PLLP: variants seen among roughly 807,000 people sequenced by gnomAD.
The protein encoded by PLLP is plasmolipin.
PLLP carries 15 observed loss-of-function variants against 19.7 expected under a neutral mutation model. The ratio of observed to expected loss-of-function variants is 0.76; its 90% CI spans 0.51 to 1.17. PLLP has a LOEUF of 1.17. PLLP is among the 50% of genes most tolerant of loss of function. The probability of loss-of-function intolerance (pLI) is 0.00; values close to 1 mark genes in which losing one functional copy is unlikely to be tolerated. For synonymous variants in PLLP, 111 were observed against 116.3 expected (o/e 0.95, Z 0.29); for missense variants, 255 against 258.3 (o/e 0.99, Z 0.09).
intron 1 of PLLP, among the ~76,000 whole-genome samples, chr16:57,282,171 C>T (rs1451168025): frequency 6.6e-6 from 1 of 151,666 alleles, no homozygotes; most frequent in African/African-American, 2.4e-5. Context: ...TCCTCTTACT[C>T]CAATGCCTTC....
intron 1 of PLLP, among the ~76,000 whole-genome samples, chr16:57,269,065 A>G (rs2075466388): frequency 6.6e-6 from 1 of 152,192 alleles, no homozygotes. Context: ...CCCAGCCCTC[A>G]GATCTCCCTT....
At chr16:57,275,171 C>A (rs1901135390) in intron 1 of PLLP, among the ~76,000 whole-genome samples, 1 of 151,964 alleles carries the variant, frequency 6.6e-6, no homozygotes. Context: ...GTACTTCTTC[C>A]ACACAAATGA....
intron 1 of PLLP, among the ~76,000 whole-genome samples, chr16:57,277,995 A>G (rs903226174): frequency 6.6e-6 from 1 of 152,138 alleles, no homozygotes; most frequent in Non-Finnish European, 1.5e-5. Flanking sequence ...GGCTGCCGGG[A>G]CACTACGGGT....
At chr16:57,275,596 A>C (rs1344752194) in intron 1 of PLLP, among the ~76,000 whole-genome samples, 3 of 148,092 alleles carry the variant, frequency 2.0e-5, no homozygotes, top group Non-Finnish European at 4.5e-5. Context: ...GAAATAAAGA[A>C]ATTCAGCAAA....
rs145503264 is a variant in PLLP, at chr16:57,261,784, T to C, written c.309+113A>G. ...TCACCTCCACCCCTGGCTCTGCAGA[T>C]CAGCTTAGGTCAGTGAGGATGTCAG... is the stretch of plus-strand genomic sequence containing the variant. On this transcript the variant is annotated intron_variant, in intron 2 of 3. Transcript: ENST00000219207. The C allele has an allele frequency of 1.6e-3, 1,421 of 874,236 alleles. 14 individuals carry two copies. In the African/African-American group the frequency reaches 0.022, roughly 13 times the overall value. 54.2% of individuals were successfully genotyped at this position (874,236 alleles called of 1,614,324 possible).
chr16:57,269,436 C>T (rs1453589783), intron 1 of PLLP, among the ~76,000 whole-genome samples: 2 of 152,142 alleles, frequency 1.3e-5, no homozygotes, highest in African/African-American at 4.8e-5. Flanking sequence ...TAGGGGGACA[C>T]CTGCTCACCT....
chr16:57,278,509 G>GT (rs1294944721), intron 1 of PLLP, among the ~76,000 whole-genome samples: 27 of 152,200 alleles, frequency 1.8e-4, no homozygotes, highest in African/African-American at 5.3e-4. Flanking sequence ...ATCTGTACAG[G>GT]TTTTTTTATT....
At chr16:57,272,702 A>G (rs1220782507) in intron 1 of PLLP, among the ~76,000 whole-genome samples, 2 of 152,214 alleles carry the variant, frequency 1.3e-5, no homozygotes, top group African/African-American at 4.8e-5. Context: ...CTGCAATCCC[A>G]GCACTTTGGG....
At chr16:57,258,610 G>A (rs1268859804) in intron 2 of PLLP, 26 bp from the exon 3 acceptor site, 17 of 1,610,466 alleles carry the variant, frequency 1.1e-5, no homozygotes, top group Non-Finnish European at 1.4e-5. Flanking sequence ...GTAGGGAGTG[G>A]GGAGAGAAAA....
At chr16:57,273,204 G>A (rs192890261) in intron 1 of PLLP, among the ~76,000 whole-genome samples, 179 of 150,698 alleles carry the variant, frequency 1.2e-3, no homozygotes, top group African/African-American at 4.3e-3. Context: ...AGCTTGCAGT[G>A]AGCCGAGATC....
chr16:57,277,299 G>T (rs4558409), intron 1 of PLLP, among the ~76,000 whole-genome samples: 76,502 of 152,066 alleles, frequency 0.5, 19,672 homozygotes, highest in South Asian at 0.7. Flanking sequence ...ACCTATTAAA[G>T]AAATTAGGGG....
intron 2 of PLLP, among the ~76,000 whole-genome samples, chr16:57,259,992 A>T (rs1191812587): frequency 6.6e-6 from 1 of 151,966 alleles, no homozygotes; most frequent in Non-Finnish European, 1.5e-5. Flanking sequence ...AAAAAAAAAA[A>T]AACTTAGGAT....
At position 57,284,641 on chromosome 16, in the gene PLLP, C is replaced by A. The variant is rs571118716; in HGVS notation, c.-101G>T. The A allele has an allele frequency of 8.7e-7, 1 of 1,152,382 alleles. No homozygotes were observed. 71.4% of individuals were successfully genotyped at this position (1,152,382 alleles called of 1,614,324 possible). A position where few individuals can be genotyped will look rare whatever the true frequency, so the allele number is the denominator to read the frequency against. On this transcript the variant is annotated 5_prime_UTR_variant, in exon 1 of 4. Coordinates refer to ENST00000219207, the MANE Select transcript of PLLP (RefSeq NM_015993.3). ...CCGCTTTTCCCCCAGGCTCCGGATC[C>A]CTGTGTGGCTCCAGGCGCTGCAGGA...
Position 57,284,636 on chromosome 16 carries a change from G to T in PLLP, c.-96C>A. ...CCGCGCCGCTTTTCCCCCAGGCTCCGGATCCCTGTGTGGCTCCAGGCGCTG... is the reference window on the plus strand; with the variant it reads ...CCGCGCCGCTTTTCCCCCAGGCTCCTGATCCCTGTGTGGCTCCAGGCGCTG... On this transcript the variant is annotated 5_prime_UTR_variant, in exon 1 of 4. Coordinates refer to ENST00000219207, the MANE Select transcript of PLLP (RefSeq NM_015993.3). 1 of 1,179,542 alleles carries T rather than the reference G, an allele frequency of 8.5e-7. No homozygotes were observed. The highest frequency in any genetic ancestry group is 1.1e-6 in the Non-Finnish European group (1 of 926,848). The allele number at this position is 1,179,542 out of a possible 1,614,324, so 73.1% of individuals were successfully genotyped here. A position where few individuals can be genotyped will look rare whatever the true frequency, so the allele number is the denominator to read the frequency against.
chr16:57,273,284 A>G (rs112386570), intron 1 of PLLP, among the ~76,000 whole-genome samples: 10,297 of 151,716 alleles, frequency 0.068, 572 homozygotes, highest in South Asian at 0.26. Flanking sequence ...TGGGGGGGCA[A>G]TGCTCCCATC....
chr16:57,278,365 C>A (rs1901179103), intron 1 of PLLP, among the ~76,000 whole-genome samples: 1 of 152,146 alleles, frequency 6.6e-6, no homozygotes, highest in Non-Finnish European at 1.5e-5. Context: ...ATGAGAAAAG[C>A]AACTTGCTGA....
intron 1 of PLLP, among the ~76,000 whole-genome samples, chr16:57,270,655 G>A (rs2075471932): frequency 6.6e-6 from 1 of 152,052 alleles, no homozygotes; most frequent in Non-Finnish European, 1.5e-5. Flanking sequence ...AAGGGGCAGG[G>A]GACAGAGGCT....
chr16:57,258,635 A>C, intron 2 of PLLP, 51 bp from the exon 3 acceptor site: 2 of 1,587,074 alleles, frequency 1.3e-6, no homozygotes, highest in Non-Finnish European at 1.7e-6. Flanking sequence ...TAAGACACAA[A>C]GAGAGGCCAG....
chr16:57,272,520 G>A (rs933504369), intron 1 of PLLP, among the ~76,000 whole-genome samples: 4 of 152,140 alleles, frequency 2.6e-5, no homozygotes, highest in East Asian at 1.9e-4. Context: ...CCCTGGCCTC[G>A]GCCTGCTGGA....
Sources: gnomAD v4.1 joint callset for allele counts (sites outside exome capture counted in the v4.1 genomes callset) on GRCh38, gnomAD v4.1.1 for gene constraint, MANE v1.5 for transcripts, NCBI Gene and HGNC (gene_info 2026-07-23, HGNC 2026-07-21) for gene names.